Variants in SFTPD observed in about 807,000 individuals in gnomAD.
SFTPD encodes the protein pulmonary surfactant-associated protein D.
SFTPD carries 18 observed loss-of-function variants against 34.6 expected under a neutral mutation model. The ratio of observed to expected loss-of-function variants is 0.52; its 90% CI spans 0.36 to 0.77. The LOEUF (loss-of-function observed/expected upper bound fraction) is 0.77. Among genes scored for constraint, SFTPD ranks in the 30% least tolerant of loss-of-function variants. The probability of loss-of-function intolerance (pLI) is 0.00; values close to 1 mark genes in which losing one functional copy is unlikely to be tolerated. For synonymous variants in SFTPD, 155 were observed against 180.9 expected (o/e 0.86, Z 1.15); for missense variants, 433 against 468.9 (o/e 0.92, Z 0.71).
chr10:79,944,646 G>A (rs910305662), intron 2 of SFTPD, among the ~76,000 whole-genome samples: 1 of 152,138 alleles, frequency 6.6e-6, no homozygotes, highest in East Asian at 1.9e-4. Context: ...ATGGGCTGCT[G>A]TAAGGTGTGT....
chr10:79,948,253 GC>G (rs1401361734), intron 1 of SFTPD, among the ~76,000 whole-genome samples: 10 of 152,212 alleles, frequency 6.6e-5, no homozygotes, highest in Non-Finnish European at 1.2e-4. Flanking sequence ...ATTGTTCTGT[GC>G]CCCGCAGCTC....
chr10:79,947,533 T>C, intron 1 of SFTPD, among the ~76,000 whole-genome samples: 1 of 151,956 alleles, frequency 6.6e-6, no homozygotes, highest in East Asian at 1.9e-4. Context: ...CTACTAAAAG[T>C]ATAAAAAATT....
chr10:79,941,535 G>T (rs1429702571), intron 5 of SFTPD, 21 bp from the exon 6 acceptor site: 2 of 1,551,596 alleles, frequency 1.3e-6, no homozygotes, highest in African/African-American at 1.4e-5. Flanking sequence ...AGAAGAACTG[G>T]GTGAGCTATG....
upstream of SFTPD, among the ~76,000 whole-genome samples, chr10:79,953,059 C>G (rs1471258815): frequency 6.6e-6 from 1 of 152,178 alleles, no homozygotes; most frequent in African/African-American, 2.4e-5. Context: ...TGTGGGTTCC[C>G]CAATAGGTCA....
chr10:79,959,449 AT>A (rs1355066602), intron 1 of SFTPD, among the ~76,000 whole-genome samples: 1 of 152,216 alleles, frequency 6.6e-6, no homozygotes, highest in Non-Finnish European at 1.5e-5. Context: ...GCAATAAAAA[AT>A]GATAAAGGGG....
At chr10:79,955,641 T>C (rs1233834413) in intron 1 of SFTPD, among the ~76,000 whole-genome samples, 1 of 152,214 alleles carries the variant, frequency 6.6e-6, no homozygotes, top group Non-Finnish European at 1.5e-5. Flanking sequence ...TCTGCAACAA[T>C]TGTCAATGGG....
intron 1 of SFTPD, among the ~76,000 whole-genome samples, chr10:79,965,414 C>T (rs1285002936): frequency 6.6e-6 from 1 of 152,050 alleles, no homozygotes. Context: ...CTCTCCCACT[C>T]TAGGTTCCCA....
chr10:79,947,644 C>T (rs183116908), intron 1 of SFTPD, among the ~76,000 whole-genome samples: 115 of 152,128 alleles, frequency 7.6e-4, no homozygotes, highest in Non-Finnish European at 1.5e-3. Flanking sequence ...GAGCCGAGAT[C>T]GTGCCACTGC....
At chr10:79,972,450 G>T (rs1037410007) in intron 1 of SFTPD, 5 of 152,438 alleles carry the variant, frequency 3.3e-5, no homozygotes, top group Non-Finnish European at 7.3e-5. Flanking sequence ...AGTGAGCAGA[G>T]ATCACACCAC....
In SFTPD at chr10:79,937,875, G is replaced by A. The variant is rs1344939809; in HGVS notation, c.1105C>T (p.Arg369Cys). 11 of 1,554,682 alleles carry A rather than the reference G, an allele frequency of 7.1e-6. No individual in the cohort carries two copies. The highest frequency in any genetic ancestry group is 9.6e-6 in the Non-Finnish European group (11 of 1,145,536). The change falls in exon 8 of 8, where the codon CGT (arginine) becomes TGT (cysteine). Residue 369 changes from arginine to cysteine, a missense_variant. Transcript: ENST00000372292. The stretch of plus-strand genomic sequence containing the variant: ...GCTCAGAACTCGCAGACCACAAGAC[G>A]CTTTTCTCCACAAGCCCTGTCATTC... ...KWNDRACGEK[R>C]LVVCEF
intron 1 of SFTPD, among the ~76,000 whole-genome samples, chr10:79,956,270 G>T (rs1842737238): frequency 6.6e-6 from 1 of 152,232 alleles, no homozygotes; most frequent in African/African-American, 2.4e-5. Flanking sequence ...TGAGGTACCG[G>T]GTTCATCTCA....
rs1045696289 is a variant in SFTPD at position 79,962,271 on chromosome 10, T to C, written c.37-15609A>G. 2.7e-5 allele frequency among the ~76,000 whole-genome samples: 4 copies of C among 150,728 alleles called. No homozygotes were observed. In the South Asian group the frequency reaches 6.5e-4, roughly 25 times the overall value. On this transcript the variant is annotated intron_variant, in intron 1 of 5. Coordinates refer to the SFTPD transcript ENST00000444384. ...GTAACAAACCTGCACATTGTGCACATGTACCCTAAAACTTAAAGTATAATA... is the reference window on the plus strand; with the variant it reads ...GTAACAAACCTGCACATTGTGCACACGTACCCTAAAACTTAAAGTATAATA...
Position 79,942,804 on chromosome 10 carries a change from G to A in SFTPD, c.275C>T (p.Ser92Phe). The A allele has an allele frequency of 6.2e-7, 1 of 1,613,796 alleles. No individual in the cohort carries two copies. The highest frequency in any genetic ancestry group is 8.5e-7 in the Non-Finnish European group (1 of 1,179,744). Residue 92 changes from serine to phenylalanine, a missense_variant, in exon 3 of 8, where the codon TCT (serine) becomes TTT (phenylalanine). Ser to Phe is a radical substitution (Grantham distance 155). Coordinates refer to ENST00000372292, the MANE Select transcript of SFTPD (RefSeq NM_003019.5). ...TCCCTTTGGTCCAGGTTCTCCAACA[G>A]AGCCATTGTCCCCTTTGGGCCCAAC... ...GPVGPKGDNG[S>F]VGEPGPKGDT...
chr10:79,960,898 C>T (rs1490426065), intron 1 of SFTPD, among the ~76,000 whole-genome samples: 1 of 151,698 alleles, frequency 6.6e-6, no homozygotes, highest in Non-Finnish European at 1.5e-5. Context: ...TCAAACTATA[C>T]TACAAGGCTA....
Position 79,946,482 on chromosome 10 carries a change from G to T in SFTPD, c.178C>A (p.Arg60=), listed in dbSNP as rs149865718. Residue 60 remains arginine, a synonymous_variant, in exon 2 of 8, where the codon CGG becomes AGG. Transcript: ENST00000372292. The part of the protein sequence containing the change: ...RDGRDGREGP[R]GEKGDPGLPG... ...CTACCTGGGTCCCCCTTCTCGCCCC[G>T]AGGGCCCTCTCTCCCATCCCGTCCA... 1 of 1,613,890 alleles carries T rather than the reference G, an allele frequency of 6.2e-7. No individual in the cohort carries two copies. The highest frequency in any genetic ancestry group is 1.1e-5 in the South Asian group (1 of 91,072).
chr10:79,940,708 T>C lies in SFTPD; in HGVS notation c.748A>G (p.Lys250Glu), dbSNP rs1284124131. The C allele has an allele frequency of 1.2e-6, 2 of 1,600,846 alleles. No homozygotes were observed. The highest frequency in any genetic ancestry group is 1.3e-5 in the African/African-American group (1 of 74,672). Residue 250 changes from lysine to glutamate, a missense_variant, in exon 7 of 8, where the codon AAA (lysine) becomes GAA (glutamate). Lys to Glu is a moderately conservative substitution (Grantham distance 56). Coordinates refer to ENST00000372292, the MANE Select transcript of SFTPD (RefSeq NM_003019.5). ...AGGTTCAGATCCAGGAACTCACCTT[T>C]CTTATACTGAGAGAAAGCAGCCTGG... is the stretch of plus-strand genomic sequence containing the variant. ...HLQAAFSQYK[K>E]VELFPNGQSV... is the part of the protein sequence containing the mutation.
At chr10:79,980,162 A>G (rs1842882706) in intron 1 of SFTPD, among the ~76,000 whole-genome samples, 1 of 152,164 alleles carries the variant, frequency 6.6e-6, no homozygotes, top group Non-Finnish European at 1.5e-5. Context: ...GAGACTCAGT[A>G]CCTTGCTGGC....
At chr10:79,979,706 G>T (rs1842880659) in intron 1 of SFTPD, among the ~76,000 whole-genome samples, 1 of 152,200 alleles carries the variant, frequency 6.6e-6, no homozygotes, top group South Asian at 2.1e-4. Flanking sequence ...AAACTTGAAA[G>T]GCAGTCTAGA....
intron 1 of SFTPD, among the ~76,000 whole-genome samples, chr10:79,957,987 G>A (rs971606180): frequency 1.3e-5 from 2 of 152,210 alleles, no homozygotes; most frequent in African/African-American, 4.8e-5. Flanking sequence ...GAGAGTGGGG[G>A]CCAATATTCA....
Sources: gnomAD v4.1 joint callset for allele counts (sites outside exome capture counted in the v4.1 genomes callset) on GRCh38, gnomAD v4.1.1 for gene constraint, MANE v1.5 for transcripts, NCBI Gene and HGNC (gene_info 2026-07-23, HGNC 2026-07-21) for gene names.